Variants in ARHGEF33 observed in about 807,000 individuals in gnomAD.
ARHGEF33 encodes DH and coiled-coil domain-containing protein ENSP00000381780.
Under a neutral mutation model 101.9 loss-of-function variants are expected in ARHGEF33, and 72 were observed. The ratio of observed to expected loss-of-function variants is 0.71; its 90% CI spans 0.58 to 0.86. ARHGEF33 has a LOEUF of 0.86. Ranked by LOEUF, ARHGEF33 falls within the 40% of genes least tolerant of loss-of-function variation. The pLI, the probability that ARHGEF33 is intolerant of heterozygous loss-of-function variation, is 0.00. For synonymous variants in ARHGEF33, 499 were observed against 442.5 expected (o/e 1.13, Z -1.60); for missense variants, 1,169 against 1,111.3 (o/e 1.05, Z -0.74).
intron 2 of ARHGEF33, among the ~76,000 whole-genome samples, chr2:38,918,644 C>T (rs1305035616): frequency 6.6e-6 from 1 of 152,150 alleles, no homozygotes; most frequent in Non-Finnish European, 1.5e-5. Flanking sequence ...AGGAGTCTAC[C>T]AGATGCCGAA....
At position 38,937,440 on chromosome 2, in the gene ARHGEF33, A is replaced by C; in HGVS notation, c.671A>C (p.Lys224Thr). Residue 224 changes from lysine (K) to threonine (T), a missense_variant, in exon 9 of 18, where the codon AAG (lysine) becomes ACG (threonine). Coordinates refer to ENST00000409978, the MANE Select transcript of ARHGEF33 (RefSeq NM_001145451.5). Reference protein sequence around the residue: ...HLPSGMWRQPKDGKEWGEEYV... With the variant: ...HLPSGMWRQPTDGKEWGEEYV... ...CCATCTGGCATGTGGAGGCAGCCTAAGGATGGTAAAGAATGGGGTGAAGAA... is the reference window on the plus strand; with the variant it reads ...CCATCTGGCATGTGGAGGCAGCCTACGGATGGTAAAGAATGGGGTGAAGAA... The C allele has an allele frequency of 6.5e-7, 1 of 1,549,964 alleles. No homozygotes were observed. Among genetic ancestry groups the C allele is most frequent in the Non-Finnish European group, 8.7e-7 (1 of 1,145,838 alleles).
At chr2:38,896,292 C>A (rs528868923) in intron 2 of ARHGEF33, among the ~76,000 whole-genome samples, 117 of 152,288 alleles carry the variant, frequency 7.7e-4, no homozygotes, top group African/African-American at 2.6e-3. Context: ...GCTCACGCCA[C>A]CATGCCCAGC....
At position 38,960,027 on chromosome 2, in the gene ARHGEF33, C is replaced by G; in HGVS notation, c.1722C>G (p.Ala574=). The G allele has an allele frequency of 6.5e-7, 1 of 1,546,506 alleles. No homozygotes were observed. The highest frequency in any genetic ancestry group is 8.7e-7 in the Non-Finnish European group (1 of 1,144,232). ...DVKALAGPLQ[A]IPEMDFESSP... ...AGGCGCTGGCCGGGCCCCTGCAGGCCATCCCGGAGATGGACTTCGAGTCCT... is the reference window on the plus strand; with the variant it reads ...AGGCGCTGGCCGGGCCCCTGCAGGCGATCCCGGAGATGGACTTCGAGTCCT... Residue 574 remains alanine (A), a synonymous_variant, in exon 16 of 18, where the codon GCC becomes GCG. Coordinates refer to ENST00000409978, the MANE Select transcript of ARHGEF33 (RefSeq NM_001145451.5).
chr2:38,960,337 A>C lies in ARHGEF33; in HGVS notation c.2032A>C (p.Lys678Gln). The change falls in exon 16 of 18, where the codon AAG (lysine) becomes CAG (glutamine). Residue 678 changes from lysine to glutamine, a missense_variant. Transcript: ENST00000409978. ...GGAGCACCCGCTGCAGCCGCTGCCC[A>C]AGAGCGCTACGTCGCCGGCGGGCAG... is the stretch of plus-strand genomic sequence containing the variant. ...RPEHPLQPLP[K>Q]SATSPAGSSS... 6 of 1,538,076 alleles carry C rather than the reference A, an allele frequency of 3.9e-6. No homozygotes were observed. Among genetic ancestry groups the C allele is most frequent in the Non-Finnish European group, 5.2e-6 (6 of 1,144,874 alleles).
chr2:38,925,397 C>G (rs140114260), intron 4 of ARHGEF33, among the ~76,000 whole-genome samples: 2 of 152,138 alleles, frequency 1.3e-5, no homozygotes, highest in African/African-American at 4.8e-5. Flanking sequence ...GAGACTAAGT[C>G]TCTTTTTGCC....
intron 13 of ARHGEF33, among the ~76,000 whole-genome samples, chr2:38,955,183 T>C (rs1667708566): frequency 6.6e-6 from 1 of 152,216 alleles, no homozygotes; most frequent in Non-Finnish European, 1.5e-5. Context: ...TTGGCATTGG[T>C]CCAAGGTTCT....
intron 9 of ARHGEF33, among the ~76,000 whole-genome samples, chr2:38,943,385 T>G (rs1043264046): frequency 6.6e-6 from 1 of 152,246 alleles, no homozygotes; most frequent in Non-Finnish European, 1.5e-5. Context: ...GAAGTCTCAC[T>G]GTTCAGTATG....
At chr2:38,968,970 G>C (rs1367336203) in intron 17 of ARHGEF33, among the ~76,000 whole-genome samples, 2 of 152,196 alleles carry the variant, frequency 1.3e-5, no homozygotes, top group Non-Finnish European at 2.9e-5. Flanking sequence ...GGAGGCCCCA[G>C]TGTAGCACAG....
chr2:38,921,427 A>C lies in ARHGEF33; in HGVS notation c.75+4A>C, dbSNP rs1367821000. On this transcript the variant is annotated splice_donor_region_variant and intron_variant, in intron 4 of 17. Transcript: ENST00000409978. ...TCCTTCCACGCAGATTTACCAGGTA[A>C]AGACAAATCGATTGTTTCAAATGCT... is the stretch of plus-strand genomic sequence containing the variant. 1.9e-5 allele frequency: 29 copies of C among 1,531,798 alleles called. No individual in the cohort carries two copies. Among genetic ancestry groups the C allele is most frequent in the Middle Eastern group, 3.3e-4 (2 of 5,976 alleles). 94.9% of individuals were successfully genotyped at this position (1,531,798 alleles called of 1,614,324 possible). A position where few individuals can be genotyped will look rare whatever the true frequency, so the allele number is the denominator to read the frequency against.
At position 38,928,391 on chromosome 2, in the gene ARHGEF33, AT is replaced by A. The variant is rs564664363; in HGVS notation, c.76-508del. Among the ~76,000 whole-genome samples the A allele has an allele frequency of 3.2e-4, 49 of 151,984 alleles. No homozygotes were observed. The South Asian group carries it at 4.2e-3, about 13-fold the overall frequency. On this transcript the variant is annotated intron_variant, in intron 4 of 17. Coordinates refer to ENST00000409978, the MANE Select transcript of ARHGEF33 (RefSeq NM_001145451.5). ...CTTTCCCATGATATCATCCAAGAGT[AT>A]TTTTTTTAAAAAAAACCTTCTTTCC... is the stretch of plus-strand genomic sequence containing the variant.
rs144410297 is a variant in ARHGEF33 at position 38,903,286 on chromosome 2, A to G, written c.-86+7437A>G. On this transcript the variant is annotated intron_variant, in intron 2 of 17. Transcript: ENST00000409978. ...ATTTACAGGATTTTAAGAAGCAGGG[A>G]TCTGTTTTGCATGTGAATTTTACAT... Among the ~76,000 whole-genome samples, 971 of 152,308 alleles carry G rather than the reference A, an allele frequency of 6.4e-3. 13 individuals are homozygous for G. The highest frequency in any genetic ancestry group is 0.021 in the African/African-American group (888 of 41,578).
chr2:38,930,787 T>A (rs1359867001), intron 6 of ARHGEF33, among the ~76,000 whole-genome samples: 1 of 152,194 alleles, frequency 6.6e-6, no homozygotes, highest in Non-Finnish European at 1.5e-5. Flanking sequence ...CGAATATAAA[T>A]CATTTCAAGC....
rs554009875 is a variant in ARHGEF33 at position 38,930,446 on chromosome 2, C to G, written c.362+616C>G. Among the ~76,000 whole-genome samples the G allele has an allele frequency of 4.3e-3, 658 of 151,492 alleles. 1 individual carries two copies. The highest frequency in any genetic ancestry group is 0.014 in the Middle Eastern group (4 of 294). ...CACTGCAGCCTTGAACTCCTGGGCT[C>G]AAATGATTCTCCCACCTCAGTCTCC... On this transcript the variant is annotated intron_variant, in intron 6 of 17. Coordinates refer to ENST00000409978, the MANE Select transcript of ARHGEF33 (RefSeq NM_001145451.5).
At chr2:38,970,900 A>G (rs1055700595) in intron 17 of ARHGEF33, among the ~76,000 whole-genome samples, 1 of 152,190 alleles carries the variant, frequency 6.6e-6, no homozygotes, top group Non-Finnish European at 1.5e-5. Flanking sequence ...CTCATATATC[A>G]GTCCCTCCTC....
chr2:38,894,498 A>G, intron 1 of ARHGEF33, among the ~76,000 whole-genome samples: 1 of 152,126 alleles, frequency 6.6e-6, no homozygotes, highest in East Asian at 1.9e-4. Context: ...AAACAAACAA[A>G]CAAACAAACA....
At chr2:38,913,118 C>A (rs560058144) in intron 2 of ARHGEF33, among the ~76,000 whole-genome samples, 1 of 151,398 alleles carries the variant, frequency 6.6e-6, no homozygotes, top group African/African-American at 2.4e-5. Context: ...CTCACTGCAG[C>A]CTTGAACTAC....
At chr2:38,941,706 C>G (rs915854408) in intron 9 of ARHGEF33, among the ~76,000 whole-genome samples, 5 of 152,140 alleles carry the variant, frequency 3.3e-5, no homozygotes, top group Non-Finnish European at 7.4e-5. Flanking sequence ...CACCACCACA[C>G]CTGGCTAATT....
At chr2:38,896,003 A>G (rs754258477) in intron 2 of ARHGEF33, among the ~76,000 whole-genome samples, 154 bp downstream of exon 2, 29 of 152,192 alleles carry the variant, frequency 1.9e-4, no homozygotes, top group Admixed American at 3.3e-4. Flanking sequence ...CAAATAAACA[A>G]ATTGTGAGAT....
At chr2:38,909,341 A>T (rs1158532457) in intron 2 of ARHGEF33, among the ~76,000 whole-genome samples, 1 of 151,752 alleles carries the variant, frequency 6.6e-6, no homozygotes, top group African/African-American at 2.4e-5. Flanking sequence ...TTTTTTTTTT[A>T]GACCAGGTCT....
Sources: gnomAD v4.1 joint callset for allele counts (sites outside exome capture counted in the v4.1 genomes callset) on GRCh38, gnomAD v4.1.1 for gene constraint, MANE v1.5 for transcripts, NCBI Gene and HGNC (gene_info 2026-07-23, HGNC 2026-07-21) for gene names.